SLC35D4: variants seen among roughly 807,000 people sequenced by gnomAD.
SLC35D4 encodes UDP-N-acetylglucosamine transporter SLC35D4.
the SLC35D4 span, among the ~76,000 whole-genome samples, chr18:23,371,923 C>CTTTTTTTTTTTTTTT: frequency 2.7e-5 from 3 of 111,546 alleles, no homozygotes; most frequent in African/African-American, 7.1e-5. Flanking sequence ...TTATTTCTTC[C>CTTTTTTTTTTTTTTT]TTGTTTTTTT....
the SLC35D4 span, among the ~76,000 whole-genome samples, chr18:23,340,672 T>G: frequency 6.6e-6 from 1 of 152,244 alleles, no homozygotes; most frequent in Admixed American, 6.5e-5. Context: ...AGGCTGGGTT[T>G]TCTGCCTGTC....
chr18:23,298,856 C>T, the SLC35D4 span, among the ~76,000 whole-genome samples: 1 of 152,186 alleles, frequency 6.6e-6, no homozygotes. Context: ...CCCTTTCCTT[C>T]CCTTCCTCTC....
the SLC35D4 span, among the ~76,000 whole-genome samples, chr18:23,431,153 C>CAAAAA: frequency 4.5e-4 from 30 of 66,230 alleles, no homozygotes; most frequent in Non-Finnish European, 6.1e-4. Context: ...GAGTATATCT[C>CAAAAA]AAAAAAAAAA....
chr18:23,402,622 C>T, the SLC35D4 span, among the ~76,000 whole-genome samples: 1 of 151,110 alleles, frequency 6.6e-6, no homozygotes, highest in Non-Finnish European at 1.5e-5. Flanking sequence ...CTGGGCAACA[C>T]AGCAAGCCTG....
chr18:23,275,727 AG>A, the SLC35D4 span, among the ~76,000 whole-genome samples: 1 of 152,028 alleles, frequency 6.6e-6, no homozygotes, highest in African/African-American at 2.4e-5. Flanking sequence ...CAACTCTTAT[AG>A]GGGGTCAAAG....
chr18:23,363,190 A>G, the SLC35D4 span, among the ~76,000 whole-genome samples: 1 of 147,438 alleles, frequency 6.8e-6, no homozygotes, highest in Non-Finnish European at 1.5e-5. Flanking sequence ...GGTTGCAGTG[A>G]GCCGAGATAC....
At chr18:23,389,332 G>T in the SLC35D4 span, among the ~76,000 whole-genome samples, 1 of 152,146 alleles carries the variant, frequency 6.6e-6, no homozygotes, top group Non-Finnish European at 1.5e-5. Flanking sequence ...GACTAATACA[G>T]CTGGTAAGAA....
the SLC35D4 span, among the ~76,000 whole-genome samples, chr18:23,378,199 CTTTT>C: frequency 1.4e-5 from 2 of 142,024 alleles, no homozygotes; most frequent in Middle Eastern, 3.6e-3. Flanking sequence ...TTCTTTCTTT[CTTTT>C]TTTTTTTTTC....
At chr18:23,400,089 T>C in the SLC35D4 span, among the ~76,000 whole-genome samples, 1 of 152,166 alleles carries the variant, frequency 6.6e-6, no homozygotes. Flanking sequence ...AGGGATGAAA[T>C]TGAAAAAAAG....
chr18:23,287,022 C>G, the SLC35D4 span, among the ~76,000 whole-genome samples: 1 of 150,652 alleles, frequency 6.6e-6, no homozygotes, highest in African/African-American at 2.5e-5. Context: ...ACCTAATCAC[C>G]CTTACCCCGC....
the SLC35D4 span, among the ~76,000 whole-genome samples, chr18:23,356,344 C>T: frequency 2.0e-5 from 3 of 152,162 alleles, no homozygotes; most frequent in East Asian, 1.9e-4. The surrounding 1 kb of genome is among the most constrained non-coding windows in gnomAD (Gnocchi z 4.1). Context: ...CTAGAGCAAG[C>T]GCGAAAATCA....
the SLC35D4 span, among the ~76,000 whole-genome samples, chr18:23,420,236 G>A: frequency 1.3e-5 from 2 of 152,164 alleles, no homozygotes; most frequent in South Asian, 4.1e-4. Context: ...CCAGGAGGCA[G>A]AAGTTGCAGT....
chr18:23,312,297 A>G, the SLC35D4 span, among the ~76,000 whole-genome samples: 942 of 152,284 alleles, frequency 6.2e-3, 9 homozygotes, highest in Non-Finnish European at 8.8e-3. Context: ...TGGTCTGCTC[A>G]TTCCTCTGAA....
At chr18:23,259,890 C>T in the SLC35D4 span, 11 of 152,340 alleles carry the variant, frequency 7.2e-5, no homozygotes, top group African/African-American at 2.7e-4. Flanking sequence ...GCCCTGAGGC[C>T]TCTCCAGTCC....
the SLC35D4 span, among the ~76,000 whole-genome samples, chr18:23,388,810 C>T: frequency 2.0e-5 from 3 of 152,034 alleles, no homozygotes; most frequent in African/African-American, 7.2e-5. Flanking sequence ...TAAAAGTGTG[C>T]GGCCCTTCTC....
chr18:23,318,015 G>A, the SLC35D4 span, among the ~76,000 whole-genome samples: 2 of 152,134 alleles, frequency 1.3e-5, no homozygotes, highest in Non-Finnish European at 2.9e-5. Flanking sequence ...TGGGATTACA[G>A]GTGCGAGCCA....
At chr18:23,309,536 G>C in the SLC35D4 span, 1 of 649,358 alleles carries the variant, frequency 1.5e-6, no homozygotes, top group Admixed American at 2.8e-5. Flanking sequence ...TTTAAAGAAA[G>C]CTTCGCTAAT....
chr18:23,351,026 A>G, the SLC35D4 span, among the ~76,000 whole-genome samples: 1 of 152,188 alleles, frequency 6.6e-6, no homozygotes, highest in African/African-American at 2.4e-5. Flanking sequence ...AGGTTTCATC[A>G]ACCTCCTCAC....
chr18:23,321,381 A>C, the SLC35D4 span, among the ~76,000 whole-genome samples: 4 of 152,152 alleles, frequency 2.6e-5, no homozygotes, highest in African/African-American at 9.7e-5. Flanking sequence ...AGATGGTCTA[A>C]GCTACTGGTT....
Sources: allele counts gnomAD v4.1 joint callset (sites outside exome capture counted in the v4.1 genomes callset), GRCh38; gene constraint gnomAD v4.1.1; non-coding constraint Gnocchi (gnomAD v3.1); transcripts MANE v1.5; gene names NCBI Gene and HGNC (gene_info 2026-07-23, HGNC 2026-07-21).